PDE4B: variants seen among roughly 807,000 people sequenced by gnomAD.
PDE4B encodes the protein phosphodiesterase 4B.
A neutral mutation model predicts 82.2 loss-of-function variants in PDE4B; 20 were observed. The observed-to-expected ratio is 0.24, with a 90% CI of 0.17 to 0.35. The LOEUF (loss-of-function observed/expected upper bound fraction) is 0.35. PDE4B is among the 10% of genes least tolerant of loss of function. The pLI, the probability that PDE4B is intolerant of heterozygous loss-of-function variation, is 1.00. For missense variants in PDE4B, 655 were observed against 907.2 expected (o/e 0.72, Z 3.57); for synonymous variants, 320 against 318.9 (o/e 1.00, Z -0.04).
intron 3 of PDE4B, among the ~76,000 whole-genome samples, chr1:66,201,439 A>T (rs1648940746): frequency 6.6e-6 from 1 of 151,922 alleles, no homozygotes; most frequent in Non-Finnish European, 1.5e-5. Flanking sequence ...TCCTCCTTGT[A>T]CCTCTGGTAG....
At chr1:65,798,836 T>C (rs1645663800) in intron 1 of PDE4B, among the ~76,000 whole-genome samples, 2 of 152,258 alleles carry the variant, frequency 1.3e-5, no homozygotes, top group African/African-American at 4.8e-5. Context: ...CAGAATTAAA[T>C]GTCAAATCAT....
intron 7 of PDE4B, among the ~76,000 whole-genome samples, chr1:66,303,922 T>G (rs753751491): frequency 1.3e-5 from 2 of 152,154 alleles, no homozygotes; most frequent in African/African-American, 2.4e-5. Context: ...TGGTTATTTA[T>G]AACAGTAGTT....
chr1:66,027,957 G>A (rs1341989898), intron 3 of PDE4B, among the ~76,000 whole-genome samples: 5 of 152,150 alleles, frequency 3.3e-5, no homozygotes, highest in Non-Finnish European at 4.4e-5. Context: ...GCAAGCTATC[G>A]GTGGATCTAC....
chr1:66,090,446 C>T (rs947169652), intron 3 of PDE4B, among the ~76,000 whole-genome samples: 8 of 151,586 alleles, frequency 5.3e-5, no homozygotes, highest in Non-Finnish European at 1.2e-4. Flanking sequence ...GGTGGCCTAT[C>T]ACCTCATACT....
chr1:66,317,119 T>C (rs193115455), intron 7 of PDE4B, among the ~76,000 whole-genome samples: 2 of 152,340 alleles, frequency 1.3e-5, no homozygotes, highest in Admixed American at 6.5e-5. Context: ...ATAAAGCAAC[T>C]GTTTGTCTAC....
chr1:66,124,795 T>A (rs1049238153), intron 3 of PDE4B, among the ~76,000 whole-genome samples: 2 of 152,180 alleles, frequency 1.3e-5, no homozygotes, highest in Non-Finnish European at 2.9e-5. Flanking sequence ...ATTTACGTTC[T>A]CCTTGTGTTT....
At chr1:65,975,504 G>T (rs999289924) in intron 3 of PDE4B, among the ~76,000 whole-genome samples, 1 of 152,232 alleles carries the variant, frequency 6.6e-6, no homozygotes, top group African/African-American at 2.4e-5. Flanking sequence ...GCCTACTTCA[G>T]AAATTTGCAT....
intron 3 of PDE4B, among the ~76,000 whole-genome samples, chr1:66,167,902 G>A (rs568678600): frequency 6.6e-6 from 1 of 152,234 alleles, no homozygotes; most frequent in South Asian, 2.1e-4. Context: ...AAAAGTCATT[G>A]TATTGCCAGA....
chr1:66,315,455 AGAGTCTCACTCTGTCACCCAGGCT>A (rs527824252), intron 7 of PDE4B, among the ~76,000 whole-genome samples: 46 of 152,156 alleles, frequency 3.0e-4, no homozygotes, highest in Middle Eastern at 6.8e-3. Flanking sequence ...TTTTGGAGGC[AGAGTCTCACTCTGTCACCCAGGCT>A]GAGTCTCACT....
At chr1:65,856,699 A>G (rs1256389720) in intron 1 of PDE4B, among the ~76,000 whole-genome samples, 2 of 152,212 alleles carry the variant, frequency 1.3e-5, no homozygotes, top group Non-Finnish European at 2.9e-5. Context: ...TATACTCAGT[A>G]AGGGGATTGC....
At chr1:65,982,909 C>A (rs1209431917) in intron 3 of PDE4B, among the ~76,000 whole-genome samples, 1 of 152,208 alleles carries the variant, frequency 6.6e-6, no homozygotes, top group Non-Finnish European at 1.5e-5. Flanking sequence ...CCTGGCAACA[C>A]TGGGGCCATC....
chr1:66,287,372 C>T (rs962197390), intron 7 of PDE4B, among the ~76,000 whole-genome samples: 1 of 152,140 alleles, frequency 6.6e-6, no homozygotes, highest in Non-Finnish European at 1.5e-5. Flanking sequence ...TTAAACACTG[C>T]GTATCTCAGA....
At chr1:65,926,932 C>T (rs1156385008) in intron 3 of PDE4B, among the ~76,000 whole-genome samples, 1 of 151,950 alleles carries the variant, frequency 6.6e-6, no homozygotes, top group Non-Finnish European at 1.5e-5. Context: ...TGTCAGAAAC[C>T]ATGAAAGCAA....
At chr1:65,829,439 T>C (rs1031448596) in intron 1 of PDE4B, among the ~76,000 whole-genome samples, 1 of 152,206 alleles carries the variant, frequency 6.6e-6, no homozygotes, top group Admixed American at 6.5e-5. Context: ...TAAACCATGC[T>C]ATAAAAATTA....
At chr1:65,906,964 A>G (rs1357050730) in intron 1 of PDE4B, among the ~76,000 whole-genome samples, 1 of 152,200 alleles carries the variant, frequency 6.6e-6, no homozygotes, top group Non-Finnish European at 1.5e-5. Context: ...AGCACTTTTC[A>G]GTTTTTATCT....
chr1:66,018,859 A>G (rs1350038309), intron 3 of PDE4B, among the ~76,000 whole-genome samples: 5 of 152,192 alleles, frequency 3.3e-5, no homozygotes, highest in African/African-American at 4.8e-5. Flanking sequence ...ATAATAATTA[A>G]AAGGTTCTGT....
intron 3 of PDE4B, among the ~76,000 whole-genome samples, chr1:66,226,094 C>A (rs1483593720): frequency 6.6e-6 from 1 of 152,170 alleles, no homozygotes; most frequent in African/African-American, 2.4e-5. Context: ...TTCCAACAGA[C>A]CTTTTGATTT....
At chr1:66,015,426 C>A (rs1166097532) in intron 3 of PDE4B, among the ~76,000 whole-genome samples, 2 of 152,092 alleles carry the variant, frequency 1.3e-5, no homozygotes, top group Non-Finnish European at 2.9e-5. Flanking sequence ...CAGAGCTTGG[C>A]TCTCTGCTGA....
At chr1:66,146,173 C>CTTTTTTTT in intron 3 of PDE4B, among the ~76,000 whole-genome samples, 1 of 49,240 alleles carries the variant, frequency 2.0e-5, no homozygotes, top group Non-Finnish European at 3.6e-5. Context: ...GGGTAGCATG[C>CTTTTTTTT]TTTTTTTTTT....
Sources: allele counts gnomAD v4.1 joint callset (sites outside exome capture counted in the v4.1 genomes callset), GRCh38; gene constraint gnomAD v4.1.1; transcripts MANE v1.5; gene names NCBI Gene and HGNC (gene_info 2026-07-23, HGNC 2026-07-21).